The following CCDC146 variants were observed in gnomAD, a reference collection of about 807,000 sequenced individuals.
CCDC146 encodes coiled-coil domain-containing protein 146.
CCDC146 carries 92 observed loss-of-function variants against 119.3 expected under a neutral mutation model. The observed-to-expected ratio is 0.77, with a 90% CI of 0.65 to 0.92. The LOEUF (loss-of-function observed/expected upper bound fraction) is 0.92, where lower values mean the gene tolerates loss of function less well. Ranked by LOEUF, CCDC146 falls within the 40% of genes least tolerant of loss-of-function variation. The probability of loss-of-function intolerance (pLI) is 0.00; values close to 1 mark genes in which losing one functional copy is unlikely to be tolerated. For synonymous variants in CCDC146, 372 were observed against 371.8 expected (o/e 1.00, Z -0.01); for missense variants, 1,000 against 1,103.0 (o/e 0.91, Z 1.32).
intron 2 of CCDC146, among the ~76,000 whole-genome samples, chr7:77,183,241 C>G (rs916048342): frequency 6.6e-6 from 1 of 151,926 alleles, no homozygotes; most frequent in African/African-American, 2.4e-5. Flanking sequence ...TCCATCTTCT[C>G]CTTGATCTCT....
rs540041358 is a variant in CCDC146, at chr7:77,262,901, C to T, written c.1173+594C>T. ...TGGCTCTCTTTTCTCTCAGAGGGCA[C>T]TCCCTGTGGTAAATGACCAAGCGCC... On this transcript the variant is annotated intron_variant, in intron 9 of 18. Transcript: ENST00000285871. Among the ~76,000 whole-genome samples, 4 of 152,346 alleles carry T rather than the reference C, an allele frequency of 2.6e-5. No homozygotes were observed. In the South Asian group the frequency reaches 8.3e-4, roughly 32 times the overall value.
At chr7:77,167,066 A>T (rs571528954) in intron 1 of CCDC146, among the ~76,000 whole-genome samples, 1 of 152,300 alleles carries the variant, frequency 6.6e-6, no homozygotes, top group East Asian at 1.9e-4. Context: ...GAACAGCAGA[A>T]CTTGTTTGTC....
At chr7:77,182,923 C>T (rs968484108) in intron 2 of CCDC146, among the ~76,000 whole-genome samples, 36 of 152,266 alleles carry the variant, frequency 2.4e-4, no homozygotes, top group African/African-American at 6.5e-4. Flanking sequence ...CAAGGAACCA[C>T]CAGAGAAACC....
chr7:77,258,920 C>T (rs953994835), intron 6 of CCDC146, 75 bp from the exon 7 acceptor site: 3 of 945,100 alleles, frequency 3.2e-6, no homozygotes, highest in Admixed American at 2.0e-5. Context: ...CTTTCTCTCT[C>T]ATATTTAATT....
intron 17 of CCDC146, among the ~76,000 whole-genome samples, chr7:77,289,205 A>G (rs1793900617): frequency 6.6e-6 from 1 of 152,222 alleles, no homozygotes; most frequent in Non-Finnish European, 1.5e-5. Flanking sequence ...TTGCAAAATG[A>G]ATTTCCCTTT....
At chr7:77,282,486 G>T in intron 14 of CCDC146, 71 bp from the exon 15 acceptor site, 1 of 1,016,112 alleles carries the variant, frequency 9.8e-7, no homozygotes, top group South Asian at 1.6e-5. Flanking sequence ...CAAAGCCAGA[G>T]GGAACCACAA....
At chr7:77,146,348 T>A (rs938990825) in intron 1 of CCDC146, among the ~76,000 whole-genome samples, 2 of 152,120 alleles carry the variant, frequency 1.3e-5, no homozygotes, top group African/African-American at 4.8e-5. Context: ...AGCACACCGA[T>A]GAGTCTTGAC....
In CCDC146 at chr7:77,279,012, T is replaced by C. The variant is rs1381206901; in HGVS notation, c.1605T>C (p.Ala535=). Residue 535 remains alanine (A), a synonymous_variant, in exon 13 of 19, where the codon GCT becomes GCC. Transcript: ENST00000285871. ...AATTTGTTAACTTACTCCACAAAGCTCATCAGAAAGTAAATGAAATAAAAG... is the reference window on the plus strand; with the variant it reads ...AATTTGTTAACTTACTCCACAAAGCCCATCAGAAAGTAAATGAAATAAAAG... The part of the protein sequence containing the change: ...RNKFVNLLHK[A]HQKVNEIKER... 2 of 1,612,420 alleles carry C rather than the reference T, an allele frequency of 1.2e-6. No homozygotes were observed. The highest frequency in any genetic ancestry group is 2.7e-5 in the African/African-American group (2 of 74,832).
chr7:77,278,939 TGAGA>T lies in CCDC146; in HGVS notation c.1536_1539del (p.Arg512SerfsTer27), dbSNP rs1219270984. On this transcript the variant is annotated frameshift_variant, in exon 13 of 19. Transcript: ENST00000285871. LOFTEE classifies it high-confidence loss of function. ...GTAAACACTTTGTATTTTTACAGAC[TGAGA>T]GAGTTTGCTAAACTGTATGACACCA... 5 of 1,608,314 alleles carry T rather than the reference TGAGA, an allele frequency of 3.1e-6. No individual in the cohort carries two copies. The highest frequency in any genetic ancestry group is 4.2e-6 in the Non-Finnish European group (5 of 1,178,472).
intron 2 of CCDC146, among the ~76,000 whole-genome samples, chr7:77,169,500 T>C (rs1373399520): frequency 6.6e-6 from 1 of 152,290 alleles, no homozygotes; most frequent in Non-Finnish European, 1.5e-5. Context: ...CTTGTTATGA[T>C]GGTTGTCAAA....
At chr7:77,294,427 A>G (rs1296106396) in intron 18 of CCDC146, among the ~76,000 whole-genome samples, 1 of 150,250 alleles carries the variant, frequency 6.7e-6, no homozygotes, top group Non-Finnish European at 1.5e-5. Flanking sequence ...GAATAATGTG[A>G]TGCTGAAGCA....
intron 2 of CCDC146, among the ~76,000 whole-genome samples, chr7:77,219,528 T>C (rs1792362682): frequency 6.6e-6 from 1 of 152,210 alleles, no homozygotes; most frequent in Middle Eastern, 3.2e-3. Flanking sequence ...TACAAGTCAA[T>C]TATAGCATTT....
intron 2 of CCDC146, among the ~76,000 whole-genome samples, chr7:77,229,438 A>C (rs1303165255): frequency 6.6e-6 from 1 of 152,050 alleles, no homozygotes; most frequent in African/African-American, 2.4e-5. Flanking sequence ...TTCCAGGGTT[A>C]TTATAATTTT....
At chr7:77,186,931 G>A (rs1044357569) in intron 2 of CCDC146, among the ~76,000 whole-genome samples, 1 of 152,194 alleles carries the variant, frequency 6.6e-6, no homozygotes, top group African/African-American at 2.4e-5. Context: ...CTGAGTGGTT[G>A]AAGTATGCTG....
At chr7:77,136,629 A>C (rs969733851) in intron 1 of CCDC146, among the ~76,000 whole-genome samples, 1 of 152,206 alleles carries the variant, frequency 6.6e-6, no homozygotes, top group Non-Finnish European at 1.5e-5. Context: ...TGAATAAATA[A>C]TAACCTTCCA....
At chr7:77,172,361 CTG>C (rs1470953426) in intron 2 of CCDC146, among the ~76,000 whole-genome samples, 1 of 152,178 alleles carries the variant, frequency 6.6e-6, no homozygotes, top group East Asian at 1.9e-4. Flanking sequence ...TAAACAGAAA[CTG>C]TATCTGCAAA....
At position 77,149,787 on chromosome 7, in the gene CCDC146, G is replaced by A. The variant is rs62474259; in HGVS notation, c.-11-17871G>A. On this transcript the variant is annotated intron_variant, in intron 1 of 18. Coordinates refer to ENST00000285871, the MANE Select transcript of CCDC146 (RefSeq NM_020879.3). Reference sequence around the variant, plus strand: ...CTCAAAGAAAAAGAAAAAAAAAAGCGAGAGAGAGAGAGAGAGAGAGAGACT... The same window carrying A: ...CTCAAAGAAAAAGAAAAAAAAAAGCAAGAGAGAGAGAGAGAGAGAGAGACT... 3.7e-3 allele frequency among the ~76,000 whole-genome samples: 290 copies of A among 77,926 alleles called. 2 individuals carry two copies. The highest frequency in any genetic ancestry group is 5.9e-3 in the Non-Finnish European group (231 of 39,314). 51.1% of individuals were successfully genotyped at this position (77,926 alleles called of 152,430 possible).
rs770130443 is a variant in CCDC146 at position 77,282,723 on chromosome 7, A to G, written c.2086A>G (p.Thr696Ala). Residue 696 changes from threonine (T) to alanine (A), a missense_variant, in exon 15 of 19, where the codon ACC becomes GCC. Physicochemically the swap from Thr to Ala is moderately conservative, Grantham distance 58. Coordinates refer to ENST00000285871, the MANE Select transcript of CCDC146 (RefSeq NM_020879.3). ...IAEKQRQICV[T>A]QKLLPAKRSL... Reference sequence around the variant, plus strand: ...TGAGAAGCAAAGACAAATTTGTGTGACCCAGAAATTACTGCCAGCCAAGAG... The same window carrying G: ...TGAGAAGCAAAGACAAATTTGTGTGGCCCAGAAATTACTGCCAGCCAAGAG... 6.2e-7 allele frequency: 1 copy of G among 1,614,230 alleles called. No homozygotes were observed. Among genetic ancestry groups the G allele is most frequent in the South Asian group, 1.1e-5 (1 of 91,088 alleles).
At chr7:77,255,477 T>G (rs1278145219) in intron 5 of CCDC146, 1 of 152,232 alleles carries the variant, frequency 6.6e-6, no homozygotes, top group Non-Finnish European at 1.5e-5. Flanking sequence ...CAATAAAACC[T>G]GTTTAGCATA....
Sources: allele counts gnomAD v4.1 joint callset (sites outside exome capture counted in the v4.1 genomes callset), GRCh38; gene constraint gnomAD v4.1.1; transcripts MANE v1.5; gene names NCBI Gene and HGNC (gene_info 2026-07-23, HGNC 2026-07-21).